The following ZNF384 variants were observed in gnomAD, a reference collection of about 807,000 sequenced individuals.
ZNF384 encodes zinc finger protein 384, also known as CAG repeat protein 1.
In ZNF384, 20 loss-of-function variants were observed where a neutral mutation model predicts 65.0. That is an observed-to-expected ratio of 0.31 (90% CI 0.22 to 0.45). The LOEUF is 0.45. ZNF384 is among the 20% of genes least tolerant of loss of function. ZNF384 has a pLI of 1.00. For missense variants in ZNF384, 549 were observed against 769.4 expected, an observed-to-expected ratio of 0.71 and a Z score of 3.39; for synonymous variants, 310 against 303.9, an observed-to-expected ratio of 1.02 and a Z score of -0.21.
intron 2 of ZNF384, among the ~76,000 whole-genome samples, chr12:6,684,207 A>T (rs1957118147): frequency 6.6e-6 from 1 of 152,218 alleles, no homozygotes; most frequent in African/African-American, 2.4e-5. Context: ...AACAGTAAAT[A>T]GCAAAGCAGG....
intron 2 of ZNF384, among the ~76,000 whole-genome samples, chr12:6,684,339 T>C (rs1038420754): frequency 1.4e-5 from 2 of 145,254 alleles, no homozygotes; most frequent in Non-Finnish European, 2.9e-5. Context: ...AAATTTAGAA[T>C]ATTTCCAGGA....
At chr12:6,685,404 G>A (rs1344694002) in intron 2 of ZNF384, among the ~76,000 whole-genome samples, 2 of 152,042 alleles carry the variant, frequency 1.3e-5, no homozygotes, top group Non-Finnish European at 2.9e-5. Flanking sequence ...AAAGAAAAAT[G>A]CTGGCAGGCT....
At chr12:6,685,905 G>A (rs1178475421) in intron 2 of ZNF384, among the ~76,000 whole-genome samples, 1 of 151,672 alleles carries the variant, frequency 6.6e-6, no homozygotes, top group Admixed American at 6.6e-5. Flanking sequence ...GCCCTCAGGA[G>A]ATAAAGAAGA....
rs547156173 is a variant in ZNF384 at position 6,669,935 on chromosome 12, C to T, written c.1267-746G>A. 4.9e-4 allele frequency among the ~76,000 whole-genome samples: 68 copies of T among 138,696 alleles called. No individual in the cohort carries two copies. In the East Asian group the frequency reaches 5.1e-3, roughly 10 times the overall value. The allele number at this position is 138,696 out of a possible 152,430, so 91.0% of individuals were successfully genotyped here. A position where few individuals can be genotyped will look rare whatever the true frequency, so the allele number is the denominator to read the frequency against. Reference sequence around the variant, plus strand: ...AGCCTCTGTCTCAAACACGCACACGCGCGCGCGCACACACACACACACACA... The same window carrying T: ...AGCCTCTGTCTCAAACACGCACACGTGCGCGCGCACACACACACACACACA... On this transcript the variant is annotated intron_variant, in intron 10 of 11. Transcript: ENST00000683879.
rs1170616492 is a variant in ZNF384, at chr12:6,673,692, CAG to C, written c.780-254_780-253del. Among the ~76,000 whole-genome samples the C allele has an allele frequency of 6.6e-6, 1 of 152,166 alleles. No individual in the cohort carries two copies. The highest frequency in any genetic ancestry group is 1.5e-5 in the Non-Finnish European group (1 of 68,040). On this transcript the variant is annotated intron_variant, in intron 7 of 11. Transcript: ENST00000683879. This position sits in a 1 kb window ranked among gnomAD's most constrained non-coding sequence, Gnocchi z 4.7. ...AAAAATGTATTTCAACCAGATAAAACAGAAACAGTATGAACTCTGGGCAGATG... is the reference window on the plus strand; with the variant it reads ...AAAAATGTATTTCAACCAGATAAAACAAACAGTATGAACTCTGGGCAGATG...
intron 10 of ZNF384, among the ~76,000 whole-genome samples, chr12:6,670,021 C>A (rs1452027503): frequency 6.6e-6 from 1 of 152,174 alleles, no homozygotes; most frequent in Non-Finnish European, 1.5e-5. Context: ...CAAGTGGCTT[C>A]ATTGTGCCTT....
intron 2 of ZNF384, among the ~76,000 whole-genome samples, chr12:6,682,632 C>G (rs1388645515): frequency 6.6e-6 from 1 of 152,030 alleles, no homozygotes; most frequent in African/African-American, 2.4e-5. Flanking sequence ...AGAGAGAAAC[C>G]CTGTCTCAAA....
At chr12:6,684,783 A>G (rs1006620960) in intron 2 of ZNF384, among the ~76,000 whole-genome samples, 1 of 152,220 alleles carries the variant, frequency 6.6e-6, no homozygotes, top group East Asian at 1.9e-4. Flanking sequence ...CTGAAATGAG[A>G]TCAATGGAGA....
rs1031345221 is a variant in ZNF384, at chr12:6,672,643, C to T, written c.1005-111G>A. The T allele has an allele frequency of 7.7e-6, 8 of 1,039,370 alleles. No individual in the cohort carries two copies. In the Admixed American group the frequency reaches 1.4e-4, roughly 19 times the overall value. 64.4% of individuals were successfully genotyped at this position (1,039,370 alleles called of 1,614,324 possible). ...CTTGACGGATGAGAGCACCCCCTTC[C>T]TCCCTCCTCCCAAAAACACTCCAGC... On this transcript the variant is annotated intron_variant, in intron 8 of 11. Transcript: ENST00000683879. This position sits in a 1 kb window ranked among gnomAD's most constrained non-coding sequence, Gnocchi z 4.4.
intron 2 of ZNF384, among the ~76,000 whole-genome samples, chr12:6,684,423 C>CAGTT (rs759769010): frequency 1.3e-5 from 2 of 152,130 alleles, no homozygotes; most frequent in Non-Finnish European, 2.9e-5. Context: ...AAATGACATG[C>CAGTT]AGTTCAAGGT....
At chr12:6,688,531 A>G (rs568560423) in intron 1 of ZNF384, 1 of 152,606 alleles carries the variant, frequency 6.6e-6, no homozygotes, top group Admixed American at 6.5e-5. Flanking sequence ...GGGTCAGAGA[A>G]CATTAGAGAT....
At position 6,672,287 on chromosome 12, in the gene ZNF384, C is replaced by T. The variant is rs1284665958; in HGVS notation, c.1187+63G>A. On this transcript the variant is annotated intron_variant, in intron 9 of 11. Coordinates refer to ENST00000683879, the MANE Select transcript of ZNF384 (RefSeq NM_001385745.1). The surrounding 1 kb of genome is among the most constrained non-coding windows in gnomAD (Gnocchi z 4.4). ...CCGCATGCGGGTTGTTGTGTGTGTC[C>T]GGGGCGGGGGTGGGGAGGGCATGCC... 16 of 1,520,866 alleles carry T rather than the reference C, an allele frequency of 1.1e-5. No homozygotes were observed. The highest frequency in any genetic ancestry group is 3.7e-5 in the South Asian group (3 of 80,028). The allele number at this position is 1,520,866 out of a possible 1,614,324, so 94.2% of individuals were successfully genotyped here. A position where few individuals can be genotyped will look rare whatever the true frequency, so the allele number is the denominator to read the frequency against.
In ZNF384 at chr12:6,672,857, T is replaced by C. The variant is rs1018445301; in HGVS notation, c.1005-325A>G. On this transcript the variant is annotated intron_variant, in intron 8 of 11. Coordinates refer to ENST00000683879, the MANE Select transcript of ZNF384 (RefSeq NM_001385745.1). The surrounding 1 kb of genome is among the most constrained non-coding windows in gnomAD (Gnocchi z 4.4). ...TCACCACAGACACCCTGCTTCCAAATAGTAATCTGAACAAAGACCAATACC... is the reference window on the plus strand; with the variant it reads ...TCACCACAGACACCCTGCTTCCAAACAGTAATCTGAACAAAGACCAATACC... 6.6e-6 allele frequency among the ~76,000 whole-genome samples: 1 copy of C among 152,126 alleles called. No individual in the cohort carries two copies. Among genetic ancestry groups the C allele is most frequent in the East Asian group, 1.9e-4 (1 of 5,194 alleles).
intron 2 of ZNF384, among the ~76,000 whole-genome samples, chr12:6,684,265 A>G (rs1230606119): frequency 1.3e-5 from 2 of 152,230 alleles, no homozygotes; most frequent in Non-Finnish European, 1.5e-5. Flanking sequence ...GGGGTTCTAC[A>G]AGGAACCAAA....
At chr12:6,686,750 G>C (rs2137457874) in intron 2 of ZNF384, among the ~76,000 whole-genome samples, 1 of 152,310 alleles carries the variant, frequency 6.6e-6, no homozygotes, top group East Asian at 1.9e-4. Context: ...AATGCCCCAA[G>C]TGCTCCTGAA....
chr12:6,682,847 T>C (rs958229214), intron 2 of ZNF384, among the ~76,000 whole-genome samples: 6 of 152,206 alleles, frequency 3.9e-5, no homozygotes, highest in African/African-American at 1.4e-4. Flanking sequence ...ATTTAATGAA[T>C]TGAACAACGG....
In ZNF384 at chr12:6,678,961, C is replaced by A; in HGVS notation, c.289G>T (p.Gly97Ter). The change falls in exon 4 of 12, where the codon GGA becomes TGA. Residue 97 changes from glycine to a stop codon, truncating the protein, a stop_gained. Coordinates refer to ENST00000683879, the MANE Select transcript of ZNF384 (RefSeq NM_001385745.1). LOFTEE classifies it high-confidence loss of function. This position sits in a 1 kb window ranked among gnomAD's most constrained non-coding sequence, Gnocchi z 4.9. ...AGTTGCTCACCAGCAGTCATCAGTC[C>A]TGTAGACGGCACAGGGACCACCGTG... ...NITVVPVPST[G>*]LMTAGVSCSQ... The A allele has an allele frequency of 6.2e-7, 1 of 1,613,834 alleles. No individual in the cohort carries two copies. Among genetic ancestry groups the A allele is most frequent in the South Asian group, 1.1e-5 (1 of 91,042 alleles).
chr12:6,688,629 A>T (rs1182796952), intron 1 of ZNF384: 1 of 152,350 alleles, frequency 6.6e-6, no homozygotes, highest in Non-Finnish European at 1.5e-5. Flanking sequence ...TGTGGCAGGC[A>T]CAGTGCCAGT....
At chr12:6,687,185 GA>G (rs1028199990) in intron 2 of ZNF384, among the ~76,000 whole-genome samples, 2 of 152,126 alleles carry the variant, frequency 1.3e-5, no homozygotes, top group African/African-American at 4.8e-5. Flanking sequence ...AAGTAACTCA[GA>G]ACAAATGCAC....
Sources: allele counts gnomAD v4.1 joint callset (sites outside exome capture counted in the v4.1 genomes callset), GRCh38; gene constraint gnomAD v4.1.1; non-coding constraint Gnocchi (gnomAD v3.1); transcripts MANE v1.5; gene names NCBI Gene and HGNC (gene_info 2026-07-23, HGNC 2026-07-21).